SPTA1: variants seen among roughly 807,000 people sequenced by gnomAD.
The protein encoded by SPTA1 is spectrin alpha, erythrocytic 1.
Under a neutral mutation model 324.7 loss-of-function variants are expected in SPTA1, and 177 were observed. The observed-to-expected ratio is 0.55, with a 90% confidence interval of 0.48 to 0.62. SPTA1 has a LOEUF of 0.62. SPTA1 is among the 20% of genes least tolerant of loss of function. SPTA1 has a pLI of 0.00. For synonymous variants in SPTA1, 1,195 were observed against 1,041.3 expected (o/e 1.15, Z -2.84); for missense variants, 3,162 against 2,883.6 (o/e 1.10, Z -2.21).
rs188262107 is a variant in SPTA1, at chr1:158,669,501, C to T, written c.1740G>A (p.Glu580=). The T allele has an allele frequency of 8.7e-6, 14 of 1,614,170 alleles. 1 individual carries two copies. The East Asian group carries it at 2.7e-4, about 31-fold the overall frequency. ...KAATRRRLLK[E]SLLLQKLYED... is the part of the protein sequence containing the mutation. ...CATACAGTTTTTGCAGAAGCAATGA[C>T]TCCTTCAGCAATCTACGTCTAGTGG... The change falls in exon 14 of 52, where the codon GAG becomes GAA. Residue 580 remains glutamate (E), a synonymous_variant. Transcript: ENST00000643759.
intron 5 of SPTA1, among the ~76,000 whole-genome samples, chr1:158,679,053 C>T (rs777102457): frequency 1.3e-5 from 2 of 152,008 alleles, no homozygotes; most frequent in Non-Finnish European, 2.9e-5. Flanking sequence ...GCAAACCATC[C>T]AAAGTAGTGA....
Position 158,611,167 on chromosome 1 carries a change from G to T in SPTA1, c.*97C>A. ...CACACACACACACACACACACACAC[G>T]AGGCCATCTTTATCTTCCACATTTG... is the stretch of plus-strand genomic sequence containing the variant. On this transcript the variant is annotated 3_prime_UTR_variant, in exon 52 of 52. Coordinates refer to ENST00000643759, the MANE Select transcript of SPTA1 (RefSeq NM_003126.4). The T allele has an allele frequency of 1.6e-5, 15 of 939,514 alleles. No individual in the cohort carries two copies. Among genetic ancestry groups the T allele is most frequent in the African/African-American group, 2.2e-5 (1 of 45,446 alleles). The allele number at this position is 939,514 out of a possible 1,614,324, so 58.2% of individuals were successfully genotyped here.
In SPTA1 at chr1:158,626,730, T is replaced by C. The variant is rs1169732510; in HGVS notation, c.5833+109A>G. On this transcript the variant is annotated intron_variant, in intron 41 of 51. Coordinates refer to ENST00000643759, the MANE Select transcript of SPTA1 (RefSeq NM_003126.4). ...CAGAAAGGATAGGAATGGGTAGTGA[T>C]GGAAACACCTCCTTTCATACAGTAA... 9.8e-6 allele frequency: 14 copies of C among 1,425,680 alleles called. No individual in the cohort carries two copies. In the East Asian group the frequency reaches 2.1e-4, roughly 21 times the overall value. 88.3% of individuals were successfully genotyped at this position (1,425,680 alleles called of 1,614,324 possible).
At chr1:158,658,693 A>G (rs928440905) in intron 18 of SPTA1, among the ~76,000 whole-genome samples, 12 of 152,194 alleles carry the variant, frequency 7.9e-5, no homozygotes, top group African/African-American at 9.7e-5. Flanking sequence ...AAGTTATAGC[A>G]TAATCAAGTT....
chr1:158,612,546 G>T lies in SPTA1; in HGVS notation c.7134+271C>A, dbSNP rs552148918. On this transcript the variant is annotated intron_variant, in intron 51 of 51. Coordinates refer to ENST00000643759, the MANE Select transcript of SPTA1 (RefSeq NM_003126.4). ...AGTAAGCATTCAATAAATGCTCTTT[G>T]AATTAATGAGGAAAAAAAAAAGAAA... 1.8e-4 allele frequency: 76 copies of T among 425,318 alleles called. No individual in the cohort carries two copies. The East Asian group carries it at 3.1e-3, about 18-fold the overall frequency. The allele number at this position is 425,318 out of a possible 1,614,324, so 26.3% of individuals were successfully genotyped here.
chr1:158,639,673 A>T lies in SPTA1; in HGVS notation c.4889T>A (p.Leu1630Gln), dbSNP rs1333866403. ...GTCCCTGGCCTGATCTTTCATGGCC[A>T]GCAATGTCTCTGCCTGGAAATAGAG... ...EFWLSEAETLLAMKDQARDLA... is the reference protein window; with the variant it reads ...EFWLSEAETLQAMKDQARDLA... The change falls in exon 35 of 52, where the codon CTG becomes CAG. Residue 1630 changes from leucine to glutamine, a missense_variant. Physicochemically the swap from Leu to Gln is moderately radical, Grantham distance 113 (BLOSUM62 -2). Transcript: ENST00000643759. The T allele has an allele frequency of 6.2e-7, 1 of 1,613,740 alleles. No homozygotes were observed. The highest frequency in any genetic ancestry group is 8.5e-7 in the Non-Finnish European group (1 of 1,179,908).
At chr1:158,614,005 C>T in intron 49 of SPTA1, 138 bp from the exon 50 acceptor site, 2 of 1,013,982 alleles carry the variant, frequency 2.0e-6, no homozygotes, top group Admixed American at 2.3e-5. Context: ...GAATACAAAG[C>T]CTGTCTGTGT....
At position 158,623,152 on chromosome 1, in the gene SPTA1, C is replaced by T. The variant is rs781501506; in HGVS notation, c.5951G>A (p.Arg1984Lys). The T allele has an allele frequency of 3.7e-6, 6 of 1,614,116 alleles. No homozygotes were observed. The highest frequency in any genetic ancestry group is 5.1e-6 in the Non-Finnish European group (6 of 1,180,032). ...CTTCAGGTCAGTGATCTCGGGAAGT[C>T]TCTCTTGCTGGAAACTCTGCAGACT... is the stretch of plus-strand genomic sequence containing the variant. ...DASLQSFQQE[R>K]LPEITDLKDK... Residue 1984 changes from arginine to lysine, a missense_variant, in exon 43 of 52, where the codon AGA becomes AAA. By Grantham distance (26) the Arg-to-Lys change is conservative. Transcript: ENST00000643759.
At chr1:158,661,897 T>C (rs1419231647) in intron 17 of SPTA1, among the ~76,000 whole-genome samples, 10 of 152,230 alleles carry the variant, frequency 6.6e-5, no homozygotes, top group Non-Finnish European at 1.5e-5. Context: ...AAGTGCCTCA[T>C]TGATTGCATA....
At chr1:158,636,312 C>A (rs1651066300) in intron 37 of SPTA1, among the ~76,000 whole-genome samples, 1 of 152,142 alleles carries the variant, frequency 6.6e-6, no homozygotes, top group Non-Finnish European at 1.5e-5. Context: ...AGTGACCCTG[C>A]TGCCAAGTCA....
chr1:158,678,583 TA>T, intron 5 of SPTA1, 49 bp from the exon 6 acceptor site: 3 of 1,596,234 alleles, frequency 1.9e-6, no homozygotes, highest in South Asian at 1.1e-5. Context: ...AGATTATATT[TA>T]AAAAATTATT....
chr1:158,677,956 A>G, intron 6 of SPTA1, 122 bp from the exon 7 acceptor site: 1 of 1,199,402 alleles, frequency 8.3e-7, no homozygotes, highest in Non-Finnish European at 1.2e-6. Context: ...CTTTCTTCCT[A>G]CATACTAGCA....
At position 158,649,725 on chromosome 1, in the gene SPTA1, T is replaced by C. The variant is rs530478613; in HGVS notation, c.3569+131A>G. 26 of 771,646 alleles carry C rather than the reference T, an allele frequency of 3.4e-5. No homozygotes were observed. The South Asian group carries it at 4.1e-4, about 12-fold the overall frequency. The allele number at this position is 771,646 out of a possible 1,614,324, so 47.8% of individuals were successfully genotyped here. A position where few individuals can be genotyped will look rare whatever the true frequency, so the allele number is the denominator to read the frequency against. ...GTGAGAATCATACTACTAAAAAACC[T>C]AATTTTCTATTGGCACATTGTCTCC... On this transcript the variant is annotated intron_variant, in intron 25 of 51. Coordinates refer to ENST00000643759, the MANE Select transcript of SPTA1 (RefSeq NM_003126.4).
chr1:158,615,114 G>T, intron 48 of SPTA1, 102 bp downstream of exon 48: 1 of 1,332,362 alleles, frequency 7.5e-7, no homozygotes. Flanking sequence ...GTTCTCTGAA[G>T]CAACTCTTTT....
At chr1:158,611,631 A>T in intron 51 of SPTA1, 1 of 427,716 alleles carries the variant, frequency 2.3e-6, no homozygotes, top group South Asian at 2.6e-5. Flanking sequence ...TGTAAATCTC[A>T]TTCCCTAAAG....
chr1:158,631,400 A>T (rs191225727), intron 39 of SPTA1, among the ~76,000 whole-genome samples: 138 of 152,256 alleles, frequency 9.1e-4, no homozygotes, highest in Admixed American at 2.3e-3. Flanking sequence ...ATAGGAGCTA[A>T]GCTATGAGGA....
chr1:158,643,833 G>A (rs1282897760), intron 30 of SPTA1, among the ~76,000 whole-genome samples: 1 of 152,076 alleles, frequency 6.6e-6, no homozygotes, highest in Non-Finnish European at 1.5e-5. Flanking sequence ...CAGTTTTTCT[G>A]TAAGAAGCAA....
At chr1:158,631,283 C>T (rs1431568430) in intron 39 of SPTA1, among the ~76,000 whole-genome samples, 2 of 152,030 alleles carry the variant, frequency 1.3e-5, no homozygotes, top group Admixed American at 6.6e-5. Flanking sequence ...AGCCATGAAA[C>T]AAAACAAAAT....
intron 2 of SPTA1, 115 bp from the exon 3 acceptor site, chr1:158,683,611 AT>A (rs1259737565): frequency 7.3e-7 from 1 of 1,371,532 alleles, no homozygotes; most frequent in Non-Finnish European, 1.0e-6. Flanking sequence ...CTCAGAGGCC[AT>A]AAAGAGTATT....
Sources: allele counts gnomAD v4.1 joint callset (sites outside exome capture counted in the v4.1 genomes callset), GRCh38; gene constraint gnomAD v4.1.1; transcripts MANE v1.5; gene names NCBI Gene and HGNC (gene_info 2026-07-23, HGNC 2026-07-21).